Variants in KIF3B observed in about 807,000 individuals in gnomAD.
KIF3B encodes the protein kinesin-like protein KIF3B.
KIF3B carries 38 observed loss-of-function variants against 74.3 expected under a neutral mutation model. The ratio of observed to expected loss-of-function variants is 0.51; its 90% CI spans 0.39 to 0.67. The LOEUF is 0.67. Ranked by LOEUF, KIF3B falls within the 30% of genes least tolerant of loss-of-function variation. The pLI, the probability that KIF3B is intolerant of heterozygous loss-of-function variation, is 0.00. For synonymous variants in KIF3B, 326 were observed against 342.5 expected, an observed-to-expected ratio of 0.95 and a Z score of 0.53; for missense variants, 649 against 932.0, an observed-to-expected ratio of 0.70 and a Z score of 3.95.
At chr20:32,313,056 A>G (rs2047809538) in intron 2 of KIF3B, among the ~76,000 whole-genome samples, 1 of 152,184 alleles carries the variant, frequency 6.6e-6, no homozygotes, top group African/African-American at 2.4e-5. Context: ...ACTTTCTTAT[A>G]GTCAGCCTCC....
chr20:32,281,474 A>G (rs1259633558), intron 1 of KIF3B, among the ~76,000 whole-genome samples: 1 of 152,266 alleles, frequency 6.6e-6, no homozygotes, highest in Non-Finnish European at 1.5e-5. Flanking sequence ...TTCTACTGGC[A>G]GCAAACAGAA....
chr20:32,315,543 A>G lies in KIF3B; in HGVS notation c.1405-675A>G, dbSNP rs1421164762. On this transcript the variant is annotated intron_variant, in intron 2 of 8. Transcript: ENST00000375712. ...AACATAGCAAGATTTCACCTCTACAATCAATCAGTCAATCAACCAATCAGC... is the reference window on the plus strand; with the variant it reads ...AACATAGCAAGATTTCACCTCTACAGTCAATCAGTCAATCAACCAATCAGC... 3.9e-5 allele frequency among the ~76,000 whole-genome samples: 6 copies of G among 152,188 alleles called. No homozygotes were observed. The East Asian group carries it at 9.7e-4, about 25-fold the overall frequency.
rs1555895040 is a variant in KIF3B at position 32,299,379 on chromosome 20, G to GTATATATATATA, written c.-65-10320_-65-10309dup. ...CTTGTAACTACTGAATGGTGTGTGT[G>GTATATATATATA]TATATATATATATATATATATATAT... On this transcript the variant is annotated intron_variant, in intron 1 of 8. Transcript: ENST00000375712. Among the ~76,000 whole-genome samples the GTATATATATATA allele has an allele frequency of 7.0e-3, 161 of 23,050 alleles. 3 individuals are homozygous for GTATATATATATA. The highest frequency in any genetic ancestry group is 0.024 in the Middle Eastern group (1 of 42). 15.1% of individuals were successfully genotyped at this position (23,050 alleles called of 152,430 possible).
At position 32,296,864 on chromosome 20, in the gene KIF3B, C is replaced by T. The variant is rs536956026; in HGVS notation, c.-65-12849C>T. ...TCTTGTTTTAAAAAGTGTGTAACTC[C>T]CTTTGTGAAACTGGCCATCATAGGA... is the stretch of plus-strand genomic sequence containing the variant. On this transcript the variant is annotated intron_variant, in intron 1 of 8. Coordinates refer to ENST00000375712, the MANE Select transcript of KIF3B (RefSeq NM_004798.4). 3.9e-5 allele frequency among the ~76,000 whole-genome samples: 6 copies of T among 152,000 alleles called. No homozygotes were observed. The South Asian group carries it at 1.2e-3, about 32-fold the overall frequency.
chr20:32,323,780 A>T (rs542429177), intron 5 of KIF3B, among the ~76,000 whole-genome samples: 20 of 152,064 alleles, frequency 1.3e-4, no homozygotes, highest in Middle Eastern at 3.4e-3. Flanking sequence ...CGGGAGGCTG[A>T]GGCAGGAAAA....
At chr20:32,330,085 T>C in intron 7 of KIF3B, 56 bp from the exon 8 acceptor site, 1 of 1,522,618 alleles carries the variant, frequency 6.6e-7, no homozygotes, top group Non-Finnish European at 8.9e-7. Flanking sequence ...CGATTGCTTG[T>C]ACTGCCTGTG....
intron 1 of KIF3B, among the ~76,000 whole-genome samples, chr20:32,305,725 C>A (rs1370631116): frequency 6.6e-6 from 1 of 151,526 alleles, no homozygotes; most frequent in African/African-American, 2.4e-5. Context: ...CAGGCACATG[C>A]CACCATGCCC....
chr20:32,285,321 T>C (rs2047662738), intron 1 of KIF3B, among the ~76,000 whole-genome samples: 2 of 152,166 alleles, frequency 1.3e-5, no homozygotes, highest in Admixed American at 6.6e-5. Flanking sequence ...CATTTAGCTC[T>C]AAGCTGTTTC....
intron 5 of KIF3B, among the ~76,000 whole-genome samples, chr20:32,319,684 C>G (rs145452512): frequency 1.0e-3 from 149 of 142,718 alleles, no homozygotes; most frequent in Non-Finnish European, 1.7e-3. Flanking sequence ...CTCCTGGGTT[C>G]AAGCGATTCT....
intron 1 of KIF3B, among the ~76,000 whole-genome samples, chr20:32,299,404 T>TA (rs1555895045): frequency 6.7e-4 from 21 of 31,308 alleles, no homozygotes; most frequent in South Asian, 5.1e-3. Flanking sequence ...TATATATATA[T>TA]TTTTTTTTTT....
intron 5 of KIF3B, among the ~76,000 whole-genome samples, chr20:32,318,419 C>G (rs1305011254): frequency 6.6e-6 from 1 of 151,976 alleles, no homozygotes; most frequent in Non-Finnish European, 1.5e-5. Flanking sequence ...ATTTTTATTA[C>G]TCTCCTCTAA....
At chr20:32,284,087 A>C (rs1409347981) in intron 1 of KIF3B, among the ~76,000 whole-genome samples, 1 of 151,940 alleles carries the variant, frequency 6.6e-6, no homozygotes, top group Non-Finnish European at 1.5e-5. Flanking sequence ...AGCTAATTAA[A>C]AAAAAAAAAT....
rs1362521491 is a variant in KIF3B, at chr20:32,279,033, C to T, written c.-66+1268C>T. On this transcript the variant is annotated intron_variant, in intron 1 of 8. Coordinates refer to ENST00000375712, the MANE Select transcript of KIF3B (RefSeq NM_004798.4). ...CCGCCTCGTGTGTTCAAGCGATTCT[C>T]CTGCCTCAGCCTCCCGAGTAGCTGG... 2.0e-5 allele frequency among the ~76,000 whole-genome samples: 3 copies of T among 149,016 alleles called. No homozygotes were observed. In the South Asian group the frequency reaches 6.4e-4, roughly 32 times the overall value.
intron 7 of KIF3B, among the ~76,000 whole-genome samples, chr20:32,328,164 C>T (rs2047913222): frequency 6.6e-6 from 1 of 151,878 alleles, no homozygotes. Context: ...TGGCTGATGC[C>T]TGTAATCCCA....
chr20:32,322,832 AT>A (rs1224577089), intron 5 of KIF3B, among the ~76,000 whole-genome samples: 7,361 of 73,256 alleles, frequency 0.1, 675 homozygotes, highest in East Asian at 0.19. Context: ...TTATATGTAT[AT>A]TTTTATATAT....
At chr20:32,295,706 C>T (rs1341616151) in intron 1 of KIF3B, among the ~76,000 whole-genome samples, 1 of 152,092 alleles carries the variant, frequency 6.6e-6, no homozygotes, top group African/African-American at 2.4e-5. Context: ...TGACTTGCTA[C>T]ATTTACCTTA....
intron 7 of KIF3B, among the ~76,000 whole-genome samples, chr20:32,329,198 A>G (rs1376624241): frequency 6.6e-6 from 1 of 152,048 alleles, no homozygotes; most frequent in Non-Finnish European, 1.5e-5. Context: ...ATGTGCCAAC[A>G]CGCTCAGCTA....
intron 5 of KIF3B, among the ~76,000 whole-genome samples, chr20:32,317,492 G>A (rs191580614): frequency 2.0e-5 from 3 of 152,016 alleles, no homozygotes; most frequent in Admixed American, 1.3e-4. Context: ...TTTCTGAATG[G>A]TATAATAAAT....
At position 32,322,966 on chromosome 20, in the gene KIF3B, TTA is replaced by T. The variant is rs1178444175; in HGVS notation, c.1749-3796_1749-3795del. 1.9e-4 allele frequency among the ~76,000 whole-genome samples: 4 copies of T among 21,578 alleles called. 2 individuals are homozygous for T. The highest frequency in any genetic ancestry group is 7.4e-4 in the African/African-American group (2 of 2,712). 14.2% of individuals were successfully genotyped at this position (21,578 alleles called of 152,430 possible). A position where few individuals can be genotyped will look rare whatever the true frequency, so the allele number is the denominator to read the frequency against. On this transcript the variant is annotated intron_variant, in intron 5 of 8. Coordinates refer to ENST00000375712, the MANE Select transcript of KIF3B (RefSeq NM_004798.4). ...TATACATATTTATATATATACATAT[TTA>T]TATATATACACATATTTATATATAC... is the stretch of plus-strand genomic sequence containing the variant.
Sources: allele counts gnomAD v4.1 joint callset (sites outside exome capture counted in the v4.1 genomes callset), GRCh38; gene constraint gnomAD v4.1.1; transcripts MANE v1.5; gene names NCBI Gene and HGNC (gene_info 2026-07-23, HGNC 2026-07-21).